MECOM: variants seen among roughly 807,000 people sequenced by gnomAD.
MECOM encodes the protein histone-lysine N-methyltransferase MECOM.
MECOM carries 13 observed loss-of-function variants against 116.3 expected under a neutral mutation model. The ratio of observed to expected loss-of-function variants is 0.11; its 90% CI spans 0.07 to 0.18. The LOEUF (loss-of-function observed/expected upper bound fraction) is 0.18, where lower values mean the gene tolerates loss of function less well. Among genes scored for constraint, MECOM ranks in the 10% least tolerant of loss-of-function variants. MECOM has a pLI of 1.00. For missense variants in MECOM, 1,299 were observed against 1,509.0 expected (o/e 0.86, Z 2.31); for synonymous variants, 528 against 535.2 (o/e 0.99, Z 0.19).
intron 1 of MECOM, among the ~76,000 whole-genome samples, chr3:169,402,862 C>A (rs1736114693): frequency 6.6e-6 from 1 of 152,114 alleles, no homozygotes; most frequent in Non-Finnish European, 1.5e-5. Flanking sequence ...AAGTGTTTGC[C>A]AGGTACACAC....
intron 2 of MECOM, among the ~76,000 whole-genome samples, chr3:169,305,520 G>A (rs1303254024): frequency 6.6e-6 from 1 of 152,200 alleles, no homozygotes; most frequent in African/African-American, 2.4e-5. Flanking sequence ...GAGGGCGGCA[G>A]GCAGAGAGTG....
At chr3:169,124,146 A>C (rs1732007383) in intron 5 of MECOM, among the ~76,000 whole-genome samples, 1 of 152,124 alleles carries the variant, frequency 6.6e-6, no homozygotes, top group Non-Finnish European at 1.5e-5. Context: ...CTTCGGGTAG[A>C]AATAAATGGC....
chr3:169,477,103 GTGTATATATATATATA>G (rs1382071168), intron 1 of MECOM: 3 of 56,280 alleles, frequency 5.3e-5, no homozygotes, highest in East Asian at 8.0e-4. Flanking sequence ...GTGTGTGTGT[GTGTATATATATATATA>G]TATATATATA....
intron 2 of MECOM, among the ~76,000 whole-genome samples, chr3:169,311,685 T>C (rs552498787): frequency 4.8e-5 from 3 of 62,844 alleles, no homozygotes; most frequent in African/African-American, 1.8e-4. Context: ...ATTTTACTCT[T>C]TTTTTTTTGT....
chr3:169,306,679 A>G (rs1385939039), intron 2 of MECOM, among the ~76,000 whole-genome samples: 1 of 152,134 alleles, frequency 6.6e-6, no homozygotes, highest in Non-Finnish European at 1.5e-5. Flanking sequence ...AAAAATCCAG[A>G]CTAGAACAAG....
intron 6 of MECOM, among the ~76,000 whole-genome samples, chr3:169,121,903 A>T (rs1046610638): frequency 2.0e-5 from 3 of 152,184 alleles, no homozygotes; most frequent in Admixed American, 6.5e-5. Context: ...CATGAAAAAA[A>T]AAAAGCTATT....
rs143768430 is a variant in MECOM, at chr3:169,495,487, G to T, written c.38-113963C>A. Among the ~76,000 whole-genome samples, 132 of 152,120 alleles carry T rather than the reference G, an allele frequency of 8.7e-4. 1 individual carries two copies. Among genetic ancestry groups the T allele is most frequent in the East Asian group, 7.5e-3 (39 of 5,184 alleles). On this transcript the variant is annotated intron_variant, in intron 1 of 16. Transcript: ENST00000651503. ...GTCTTTTTAGTGTGAACCTGTGTCT[G>T]GCCTGGTTCTTTTGCATAATAGAAG...
At chr3:169,434,935 G>A (rs964105666) in intron 1 of MECOM, among the ~76,000 whole-genome samples, 1 of 151,968 alleles carries the variant, frequency 6.6e-6, no homozygotes, top group African/African-American at 2.4e-5. Context: ...TATAATTCTT[G>A]GTCCTAACTA....
In MECOM at chr3:169,091,353, G is replaced by A. The variant is rs536217824; in HGVS notation, c.3165-1117C>T. Among the ~76,000 whole-genome samples, 668 of 152,134 alleles carry A rather than the reference G, an allele frequency of 4.4e-3. 3 individuals carry two copies. The highest frequency in any genetic ancestry group is 7.5e-3 in the Non-Finnish European group (508 of 67,954). Reference sequence around the variant, plus strand: ...AAAGTAGCCTGGTAGGAGTTCAGGGGAAAAACTTAGATGACTCAACCTTCT... The same window carrying A: ...AAAGTAGCCTGGTAGGAGTTCAGGGAAAAAACTTAGATGACTCAACCTTCT... On this transcript the variant is annotated intron_variant, in intron 14 of 16. Transcript: ENST00000651503.
chr3:169,538,932 A>G (rs1036870449), intron 1 of MECOM, among the ~76,000 whole-genome samples: 1 of 152,134 alleles, frequency 6.6e-6, no homozygotes, highest in East Asian at 1.9e-4. Context: ...TGAAAGTCCT[A>G]TATATGTACT....
chr3:169,131,056 A>G (rs1033838753), intron 4 of MECOM, among the ~76,000 whole-genome samples: 3 of 152,184 alleles, frequency 2.0e-5, no homozygotes, highest in Admixed American at 6.5e-5. Flanking sequence ...GTAATAGAAC[A>G]TTAGATGACA....
intron 1 of MECOM, among the ~76,000 whole-genome samples, chr3:169,393,521 G>C (rs527584234): frequency 6.6e-6 from 1 of 152,220 alleles, no homozygotes. Flanking sequence ...AAGGTGCTTT[G>C]TAAAAAAGAA....
At chr3:169,096,865 C>T (rs1467941270) in intron 12 of MECOM, among the ~76,000 whole-genome samples, 1 of 152,102 alleles carries the variant, frequency 6.6e-6, no homozygotes, top group African/African-American at 2.4e-5. Flanking sequence ...CCTTAAAAAA[C>T]TGTTCTGGCA....
chr3:169,472,973 T>G (rs1244874944), intron 1 of MECOM: 2 of 983,856 alleles, frequency 2.0e-6, no homozygotes, highest in African/African-American at 1.7e-5. Context: ...GTTATCAATA[T>G]GTAGACACCA....
rs545321743 is a variant in MECOM, at chr3:169,153,602, C to T, written c.376-9770G>A. Among the ~76,000 whole-genome samples, 103 of 152,050 alleles carry T rather than the reference C, an allele frequency of 6.8e-4. 1 individual carries two copies. The highest frequency in any genetic ancestry group is 2.3e-3 in the African/African-American group (97 of 41,480). On this transcript the variant is annotated intron_variant, in intron 2 of 16. Coordinates refer to ENST00000651503, the MANE Select transcript of MECOM (RefSeq NM_004991.4). ...TATTTAGCACATTATGCAATAACTCCAGGATCAGATTCTTCCCTCGAGCTT... is the reference window on the plus strand; with the variant it reads ...TATTTAGCACATTATGCAATAACTCTAGGATCAGATTCTTCCCTCGAGCTT...
At chr3:169,297,350 A>G (rs1715808397) in intron 2 of MECOM, among the ~76,000 whole-genome samples, 1 of 152,230 alleles carries the variant, frequency 6.6e-6, no homozygotes, top group Non-Finnish European at 1.5e-5. Flanking sequence ...AACACCAAAC[A>G]GTAGTCATTT....
intron 1 of MECOM, among the ~76,000 whole-genome samples, chr3:169,580,181 A>G (rs1764960128): frequency 6.6e-6 from 1 of 152,160 alleles, no homozygotes; most frequent in Non-Finnish European, 1.5e-5. Context: ...GACTTTAGAG[A>G]GAATATGGTG....
intron 1 of MECOM, among the ~76,000 whole-genome samples, chr3:169,541,530 C>G (rs1760054157): frequency 6.6e-6 from 1 of 152,236 alleles, no homozygotes; most frequent in South Asian, 2.1e-4. Context: ...GTTTCCAACT[C>G]TGCGCATGGC....
intron 1 of MECOM, among the ~76,000 whole-genome samples, chr3:169,447,069 T>C (rs578215826): frequency 6.6e-6 from 1 of 152,330 alleles, no homozygotes; most frequent in South Asian, 2.1e-4. Flanking sequence ...GAAATCCAAC[T>C]CCTTCATTTT....
Sources: gnomAD v4.1 joint callset for allele counts (sites outside exome capture counted in the v4.1 genomes callset) on GRCh38, gnomAD v4.1.1 for gene constraint, MANE v1.5 for transcripts, NCBI Gene and HGNC (gene_info 2026-07-23, HGNC 2026-07-21) for gene names.